SOS2: variants seen among roughly 807,000 people sequenced by gnomAD.
SOS2 encodes SOS Ras/Rho guanine nucleotide exchange factor 2.
SOS2 carries 65 observed loss-of-function variants against 148.2 expected under a neutral mutation model. The observed-to-expected ratio is 0.44, with a 90% CI of 0.36 to 0.54. The LOEUF (loss-of-function observed/expected upper bound fraction) is 0.54, where lower values mean the gene tolerates loss of function less well. Ranked by LOEUF, SOS2 falls within the 20% of genes least tolerant of loss-of-function variation. The pLI is 0.00. For synonymous variants in SOS2, 539 were observed against 537.1 expected (o/e 1.00, Z -0.05); for missense variants, 1,341 against 1,590.2 (o/e 0.84, Z 2.67).
chr14:50,154,732 A>T (rs1474981268), intron 12 of SOS2, among the ~76,000 whole-genome samples: 1 of 152,202 alleles, frequency 6.6e-6, no homozygotes, highest in African/African-American at 2.4e-5. Context: ...TAAGACTCTA[A>T]AACAGGTAAA....
At chr14:50,205,109 G>T (rs906679646) in intron 1 of SOS2, among the ~76,000 whole-genome samples, 3 of 151,974 alleles carry the variant, frequency 2.0e-5, no homozygotes, top group East Asian at 3.9e-4. Context: ...TTGAGACAGG[G>T]TCTCACTCTG....
intron 16 of SOS2, among the ~76,000 whole-genome samples, chr14:50,142,845 A>C (rs1039100869): frequency 2.6e-5 from 4 of 152,198 alleles, no homozygotes; most frequent in Non-Finnish European, 4.4e-5. Flanking sequence ...AAGAGTATGC[A>C]CATTTTTAAT....
rs937686554 is a variant in SOS2 at position 50,197,970 on chromosome 14, G to A, written c.510+1721C>T. On this transcript the variant is annotated intron_variant, in intron 4 of 22. Transcript: ENST00000216373. ...CTCCCAAAGTGCTGGGATTACGGGC[G>A]TGATCCACCACCTGGCCTGCTTTGC... Among the ~76,000 whole-genome samples the A allele has an allele frequency of 4.0e-5, 6 of 149,576 alleles. No individual in the cohort carries two copies. In the South Asian group the frequency reaches 1.3e-3, roughly 31 times the overall value.
intron 18 of SOS2, among the ~76,000 whole-genome samples, chr14:50,137,540 G>A (rs528476084): frequency 2.9e-4 from 44 of 152,244 alleles, no homozygotes; most frequent in African/African-American, 9.4e-4. Flanking sequence ...TGCAGATAGT[G>A]TAGAATGTCT....
chr14:50,122,524 C>A (rs1883550804), intron 21 of SOS2, among the ~76,000 whole-genome samples: 1 of 149,882 alleles, frequency 6.7e-6, no homozygotes, highest in Non-Finnish European at 1.5e-5. Flanking sequence ...CTCTAGGCTT[C>A]CAAGTATGTC....
intron 6 of SOS2, among the ~76,000 whole-genome samples, chr14:50,182,199 C>CA (rs1250616209): frequency 6.6e-6 from 1 of 151,842 alleles, no homozygotes; most frequent in Non-Finnish European, 1.5e-5. Flanking sequence ...GAATATCTTA[C>CA]AAAAAAATTT....
chr14:50,158,669 A>T (rs761359933), intron 10 of SOS2, 23 bp from the exon 11 acceptor site: 1 of 1,462,596 alleles, frequency 6.8e-7, no homozygotes, highest in Admixed American at 1.8e-5. Flanking sequence ...AGCATAAAAT[A>T]GGTTTCATGT....
intron 8 of SOS2, among the ~76,000 whole-genome samples, chr14:50,162,289 C>T (rs1885034945): frequency 6.6e-6 from 1 of 152,028 alleles, no homozygotes; most frequent in South Asian, 2.1e-4. Flanking sequence ...TTGCATGCCA[C>T]CACATCCAGC....
chr14:50,175,386 T>G (rs1472484550), intron 7 of SOS2, among the ~76,000 whole-genome samples: 1 of 151,752 alleles, frequency 6.6e-6, no homozygotes, highest in Non-Finnish European at 1.5e-5. Flanking sequence ...TTTTGTGAAC[T>G]CTTTTGCTTG....
At chr14:50,166,827 G>A (rs56162847) in intron 8 of SOS2, among the ~76,000 whole-genome samples, 23,641 of 152,114 alleles carry the variant, frequency 0.16, 2,442 homozygotes, top group Admixed American at 0.33. Context: ...AATAAAACAT[G>A]TAATCAATTC....
At chr14:50,182,353 T>G (rs567964809) in intron 6 of SOS2, 110 bp downstream of exon 6, 2 of 970,170 alleles carry the variant, frequency 2.1e-6, no homozygotes, top group East Asian at 5.1e-5. Flanking sequence ...GATAATTATT[T>G]TACTTTTTTA....
intron 1 of SOS2, among the ~76,000 whole-genome samples, chr14:50,214,600 C>T (rs946309805): frequency 1.3e-5 from 2 of 151,580 alleles, no homozygotes; most frequent in African/African-American, 2.4e-5. Flanking sequence ...TTCCTTGGGC[C>T]GAGGAGTTTC....
chr14:50,126,022 A>G (rs1490963800), intron 21 of SOS2, among the ~76,000 whole-genome samples: 1 of 152,216 alleles, frequency 6.6e-6, no homozygotes, highest in Non-Finnish European at 1.5e-5. Flanking sequence ...TTATCATTCC[A>G]TCACTCTACA....
rs2139595594 is a variant in SOS2 at position 50,150,210 on chromosome 14, C to T, written c.2182G>A (p.Val728Ile). The change falls in exon 14 of 23, where the codon GTA becomes ATA. Residue 728 changes from valine to isoleucine, a missense_variant. By Grantham distance (29) the Val-to-Ile change is conservative. This residue lies in a region of SOS2 where 408 missense variants were observed against 506.6 expected (regional missense o/e 0.81). Transcript: ENST00000216373. The part of the protein sequence containing the change: ...SVRGKAMKKW[V>I]ESIAKIIRRK... The stretch of plus-strand genomic sequence containing the variant: ...CTGATGATCTTAGCAATTGACTCTA[C>T]CCATTTTTTCATAGCTTTCCCTGGA... 2.5e-6 allele frequency: 4 copies of T among 1,610,212 alleles called. No individual in the cohort carries two copies. Among genetic ancestry groups the T allele is most frequent in the Middle Eastern group, 3.3e-4 (2 of 6,050 alleles).
At chr14:50,132,622 C>CT (rs1209943654) in intron 19 of SOS2, among the ~76,000 whole-genome samples, 2 of 152,034 alleles carry the variant, frequency 1.3e-5, no homozygotes, top group Non-Finnish European at 2.9e-5. Context: ...GATTGCACCA[C>CT]TGTACTCCAG....
rs1196050715 is a variant in SOS2, at chr14:50,231,364, C to T, written c.-81G>A. 1 of 526,128 alleles carries T rather than the reference C, an allele frequency of 1.9e-6. No homozygotes were observed. Among genetic ancestry groups the T allele is most frequent in the Non-Finnish European group, 2.5e-6 (1 of 398,758 alleles). The allele number at this position is 526,128 out of a possible 1,614,324, so 32.6% of individuals were successfully genotyped here. ...CTGACAGGCAGGGCGCGGGCCGCCT[C>T]GCCTCGCCGGCGGCCGCCGCCTCCC... On this transcript the variant is annotated 5_prime_UTR_variant, in exon 1 of 23. Transcript: ENST00000216373.
intron 8 of SOS2, among the ~76,000 whole-genome samples, chr14:50,171,968 T>TAA (rs773826935): frequency 7.4e-4 from 107 of 144,712 alleles, no homozygotes; most frequent in South Asian, 2.4e-3. Flanking sequence ...TTTTGTTTCT[T>TAA]TAGAGTATAT....
intron 21 of SOS2, among the ~76,000 whole-genome samples, chr14:50,122,391 C>CTTTTTTTTTTTTTTTTTTTTTTT (rs71118839): frequency 1.1e-5 from 1 of 88,292 alleles, no homozygotes; most frequent in African/African-American, 4.8e-5. Context: ...GAACCCTGGG[C>CTTTTTTTTTTTTTTTTTTTTTTT]TTTTTTTTTT....
At chr14:50,170,811 TAAA>T (rs537159978) in intron 8 of SOS2, among the ~76,000 whole-genome samples, 1 of 130,340 alleles carries the variant, frequency 7.7e-6, no homozygotes, top group African/African-American at 2.8e-5. Context: ...TGACTATTAT[TAAA>T]AAAAAAAAAA....
Sources: gnomAD v4.1 joint callset for allele counts (sites outside exome capture counted in the v4.1 genomes callset) on GRCh38, gnomAD v4.1.1 for gene constraint, gnomAD v4.1.1 regional missense constraint, MANE v1.5 for transcripts, NCBI Gene and HGNC (gene_info 2026-07-23, HGNC 2026-07-21) for gene names.